The following NPAS3 variants were observed in gnomAD, a reference collection of about 807,000 sequenced individuals.
NPAS3 encodes the protein neuronal PAS domain-containing protein 3.
Under a neutral mutation model 73.1 loss-of-function variants are expected in NPAS3, and 14 were observed. The observed-to-expected ratio is 0.19, with a 90% CI of 0.13 to 0.30. The LOEUF (loss-of-function observed/expected upper bound fraction) is 0.30, where lower values mean the gene tolerates loss of function less well. Ranked by LOEUF, NPAS3 falls within the 10% of genes least tolerant of loss-of-function variation. The probability of loss-of-function intolerance (pLI) is 1.00; values close to 1 mark genes in which losing one functional copy is unlikely to be tolerated. For missense variants in NPAS3, 1,096 were observed against 1,250.0 expected, an observed-to-expected ratio of 0.88 and a Z score of 1.86; for synonymous variants, 620 against 541.5, an observed-to-expected ratio of 1.14 and a Z score of -2.01.
At chr14:32,991,973 A>G (rs1418827759) in intron 1 of NPAS3, among the ~76,000 whole-genome samples, 2 of 152,258 alleles carry the variant, frequency 1.3e-5, no homozygotes, top group African/African-American at 2.4e-5. Context: ...CATTAGAAAT[A>G]CAATCACACA....
chr14:33,548,753 C>T (rs992807787), intron 4 of NPAS3, among the ~76,000 whole-genome samples: 1 of 152,212 alleles, frequency 6.6e-6, no homozygotes, highest in African/African-American at 2.4e-5. Context: ...CAGGCTAACA[C>T]TCTGTGCTGC....
intron 4 of NPAS3, among the ~76,000 whole-genome samples, chr14:33,522,939 T>C (rs74044829): frequency 0.039 from 5,893 of 152,174 alleles, 362 homozygotes; most frequent in African/African-American, 0.13. Context: ...CTGTGTAATA[T>C]GTGTGTTTAC....
intron 1 of NPAS3, among the ~76,000 whole-genome samples, chr14:33,044,524 G>A (rs1953445): frequency 0.47 from 71,948 of 152,068 alleles, 20,225 homozygotes; most frequent in African/African-American, 0.79. Flanking sequence ...ACAATTTAGG[G>A]AAGTCTGTGT....
intron 2 of NPAS3, among the ~76,000 whole-genome samples, chr14:33,206,164 T>C (rs990335430): frequency 2.0e-5 from 3 of 152,158 alleles, no homozygotes; most frequent in African/African-American, 7.2e-5. Flanking sequence ...TGTCATATAA[T>C]TATAATAGAG....
chr14:33,028,985 C>T (rs560803625), intron 1 of NPAS3, among the ~76,000 whole-genome samples: 4 of 152,030 alleles, frequency 2.6e-5, no homozygotes, highest in Admixed American at 2.0e-4. Flanking sequence ...CCTTCCCCCC[C>T]GCCCCTGATG....
At chr14:33,410,860 G>T (rs1461964514) in intron 4 of NPAS3, among the ~76,000 whole-genome samples, 1 of 152,130 alleles carries the variant, frequency 6.6e-6, no homozygotes, top group Admixed American at 6.6e-5. Flanking sequence ...TGGCCAGGCT[G>T]GTCTCAAACT....
chr14:33,517,535 T>G (rs2053357730), intron 4 of NPAS3, among the ~76,000 whole-genome samples: 2 of 152,046 alleles, frequency 1.3e-5, no homozygotes, highest in Admixed American at 1.3e-4. Context: ...TGTTTTATGC[T>G]TCAGGTCCTT....
rs183198583 is a variant in NPAS3, at chr14:33,670,672, C to T, written c.559-5539C>T. Among the ~76,000 whole-genome samples, 5 of 151,238 alleles carry T rather than the reference C, an allele frequency of 3.3e-5. No homozygotes were observed. The East Asian group carries it at 7.9e-4, about 24-fold the overall frequency. Reference sequence around the variant, plus strand: ...CCTGACCTGCTGTGGTGAGATAGAACTTCCACCTGATCCTGGCTCAGGATT... The same window carrying T: ...CCTGACCTGCTGTGGTGAGATAGAATTTCCACCTGATCCTGGCTCAGGATT... On this transcript the variant is annotated intron_variant, in intron 5 of 11. Transcript: ENST00000356141.
At chr14:33,104,238 C>T (rs1566564307) in intron 2 of NPAS3, among the ~76,000 whole-genome samples, 1 of 152,188 alleles carries the variant, frequency 6.6e-6, no homozygotes, top group Admixed American at 6.5e-5. Flanking sequence ...TAGAGTTGAG[C>T]ATTGCAGTAT....
intron 5 of NPAS3, among the ~76,000 whole-genome samples, chr14:33,647,123 C>G (rs1002931467): frequency 2.0e-5 from 3 of 152,148 alleles, no homozygotes; most frequent in Non-Finnish European, 4.4e-5. Flanking sequence ...TTAGGCTCAA[C>G]TGTGTGATAT....
intron 3 of NPAS3, among the ~76,000 whole-genome samples, chr14:33,274,766 A>C (rs2140029949): frequency 6.6e-6 from 1 of 152,298 alleles, no homozygotes; most frequent in South Asian, 2.1e-4. Flanking sequence ...AGGCTCTGGA[A>C]TTTAGGCCTC....
intron 1 of NPAS3, among the ~76,000 whole-genome samples, chr14:32,952,973 A>T (rs2139156222): frequency 6.6e-6 from 1 of 152,084 alleles, no homozygotes; most frequent in African/African-American, 2.4e-5. Flanking sequence ...TGGGAGGCTG[A>T]GGGAGGAGGA....
At chr14:33,475,544 A>G (rs1337250388) in intron 4 of NPAS3, among the ~76,000 whole-genome samples, 1 of 133,810 alleles carries the variant, frequency 7.5e-6, no homozygotes, top group Non-Finnish European at 1.5e-5. Context: ...GGAAGAACTA[A>G]GATCTAAAAA....
At chr14:33,655,191 C>G (rs532734225) in intron 5 of NPAS3, among the ~76,000 whole-genome samples, 1 of 152,330 alleles carries the variant, frequency 6.6e-6, no homozygotes, top group South Asian at 2.1e-4. Flanking sequence ...AAAGCTGAGA[C>G]TAGAACCCAG....
At chr14:33,627,257 A>G (rs2383520) in intron 5 of NPAS3, among the ~76,000 whole-genome samples, 5,131 of 152,242 alleles carry the variant, frequency 0.034, 230 homozygotes, top group East Asian at 0.13. Context: ...CATATAACGT[A>G]CAAATAAAGT....
chr14:33,583,109 G>A (rs1416091489), intron 5 of NPAS3, among the ~76,000 whole-genome samples: 1 of 151,874 alleles, frequency 6.6e-6, no homozygotes, highest in Non-Finnish European at 1.5e-5. Context: ...GGAGGAAAGT[G>A]AATAATTGTT....
chr14:32,953,096 A>AACC (rs1340914731), intron 1 of NPAS3, among the ~76,000 whole-genome samples: 1 of 147,828 alleles, frequency 6.8e-6, no homozygotes, highest in African/African-American at 2.6e-5. Flanking sequence ...ACAAAAAGCA[A>AACC]ACAACAACAA....
At chr14:33,471,084 C>T (rs750629136) in intron 4 of NPAS3, among the ~76,000 whole-genome samples, 12 of 152,284 alleles carry the variant, frequency 7.9e-5, no homozygotes, top group South Asian at 2.1e-4. Context: ...GAGAGCTCTG[C>T]GCATATTAGG....
intron 2 of NPAS3, among the ~76,000 whole-genome samples, chr14:33,168,115 T>C (rs1370441529): frequency 6.6e-6 from 1 of 152,192 alleles, no homozygotes; most frequent in East Asian, 1.9e-4. Context: ...GCAGCGTAGC[T>C]ACGGAAGAGC....
Sources: allele counts gnomAD v4.1 joint callset (sites outside exome capture counted in the v4.1 genomes callset), GRCh38; gene constraint gnomAD v4.1.1; transcripts MANE v1.5; gene names NCBI Gene and HGNC (gene_info 2026-07-23, HGNC 2026-07-21).